The following COL19A1 variants were observed in gnomAD, a reference collection of about 807,000 sequenced individuals.
COL19A1 encodes the protein collagen type XIX alpha 1 chain, also known as collagen alpha-1(XIX) chain.
A neutral mutation model predicts 190.2 loss-of-function variants in COL19A1; 159 were observed. The ratio of observed to expected loss-of-function variants is 0.84; its 90% confidence interval spans 0.73 to 0.95. COL19A1 has a LOEUF of 0.95. Among genes scored for constraint, COL19A1 ranks in the 40% least tolerant of loss-of-function variants. The probability of loss-of-function intolerance (pLI) is 0.00; values close to 1 mark genes in which losing one functional copy is unlikely to be tolerated. For missense variants in COL19A1, 1,418 were observed against 1,431.9 expected (o/e 0.99, Z 0.16); for synonymous variants, 509 against 458.9 (o/e 1.11, Z -1.39).
chr6:70,055,395 TA>T (rs796348302), intron 14 of COL19A1, among the ~76,000 whole-genome samples: 6,863 of 143,396 alleles, frequency 0.048, 440 homozygotes, highest in African/African-American at 0.15. Context: ...CTTGTAATAG[TA>T]AAAAAAAAAA....
rs73746818 is a variant in COL19A1, at chr6:69,932,328, T to G, written c.667-455T>G. 8.4e-3 allele frequency among the ~76,000 whole-genome samples: 1,276 copies of G among 152,148 alleles called. 19 individuals are homozygous for G. Among genetic ancestry groups the G allele is most frequent in the African/African-American group, 0.029 (1,187 of 41,558 alleles). On this transcript the variant is annotated intron_variant, in intron 6 of 50. Coordinates refer to ENST00000620364, the MANE Select transcript of COL19A1 (RefSeq NM_001858.6). ...AAAATTTTTTTTCCTTGTTGGTAAG[T>G]GAACACCTATTTCAGTGCCTCAAAT...
intron 31 of COL19A1, among the ~76,000 whole-genome samples, chr6:70,152,525 T>A (rs895605578): frequency 6.6e-6 from 1 of 152,128 alleles, no homozygotes; most frequent in Non-Finnish European, 1.5e-5. Context: ...GAAGAATATT[T>A]GTGGGGATTT....
intron 17 of COL19A1, among the ~76,000 whole-genome samples, chr6:70,129,069 G>A (rs746667048): frequency 6.6e-6 from 1 of 152,192 alleles, no homozygotes; most frequent in Non-Finnish European, 1.5e-5. Context: ...TTTCTAAAGC[G>A]ATTGGTCTAG....
chr6:69,960,623 CTT>C (rs35552190), intron 10 of COL19A1, among the ~76,000 whole-genome samples: 19 of 109,862 alleles, frequency 1.7e-4, no homozygotes, highest in African/African-American at 4.3e-4. Context: ...TGTGCCCCCA[CTT>C]TTTTTTTTTT....
chr6:70,081,793 T>A (rs940137916), intron 15 of COL19A1, among the ~76,000 whole-genome samples: 59 of 152,320 alleles, frequency 3.9e-4, no homozygotes, highest in African/African-American at 1.3e-3. Flanking sequence ...TTTCTGCAAG[T>A]TAAGAAACCA....
chr6:70,124,755 A>G (rs1199036559), intron 17 of COL19A1, among the ~76,000 whole-genome samples: 1 of 152,222 alleles, frequency 6.6e-6, no homozygotes, highest in Non-Finnish European at 1.5e-5. Flanking sequence ...ATGACTGGAT[A>G]AACAGAAAGG....
chr6:70,207,476 T>G lies in COL19A1; in HGVS notation c.*202T>G, dbSNP rs1767965240. ...CATTTTTTGATTTTTCCCAAATTCA[T>G]TCCATATGTTTTGCTTTACAATTGC... On this transcript the variant is annotated 3_prime_UTR_variant, in exon 51 of 51. Transcript: ENST00000620364. 1 of 392,740 alleles carries G rather than the reference T, an allele frequency of 2.5e-6. No individual in the cohort carries two copies. Among genetic ancestry groups the G allele is most frequent in the African/African-American group, 2.1e-5 (1 of 48,324 alleles). The allele number at this position is 392,740 out of a possible 1,614,324, so 24.3% of individuals were successfully genotyped here. A position where few individuals can be genotyped will look rare whatever the true frequency, so the allele number is the denominator to read the frequency against.
chr6:69,921,744 A>G (rs1288818905), intron 4 of COL19A1, among the ~76,000 whole-genome samples: 1 of 127,132 alleles, frequency 7.9e-6, no homozygotes, highest in African/African-American at 3.4e-5. Context: ...GTAGATTCGT[A>G]TATGTATATT....
intron 2 of COL19A1, among the ~76,000 whole-genome samples, chr6:69,886,372 C>T (rs1768934567): frequency 6.6e-6 from 1 of 152,144 alleles, no homozygotes; most frequent in Non-Finnish European, 1.5e-5. Context: ...CTCTAGCACA[C>T]TGTTGGTGGG....
intron 11 of COL19A1, among the ~76,000 whole-genome samples, chr6:69,994,697 G>A (rs1336010132): frequency 1.3e-5 from 2 of 152,108 alleles, no homozygotes; most frequent in African/African-American, 4.8e-5. Context: ...TTCTGGATGT[G>A]GCACCAGTTC....
At chr6:69,981,079 CAAATTCTGTT>C (rs1331228525) in intron 11 of COL19A1, among the ~76,000 whole-genome samples, 1 of 152,152 alleles carries the variant, frequency 6.6e-6, no homozygotes, top group Non-Finnish European at 1.5e-5. Flanking sequence ...ACTCCTAACA[CAAATTCTGTT>C]AAATTCAAAC....
chr6:69,909,797 T>C (rs1770790549), intron 4 of COL19A1, among the ~76,000 whole-genome samples: 1 of 152,170 alleles, frequency 6.6e-6, no homozygotes, highest in South Asian at 2.1e-4. Context: ...GCTTAAGTTC[T>C]AATGAAAGTC....
intron 14 of COL19A1, among the ~76,000 whole-genome samples, chr6:70,065,270 A>G (rs1374731577): frequency 6.6e-6 from 1 of 152,158 alleles, no homozygotes; most frequent in African/African-American, 2.4e-5. Flanking sequence ...ATATAGACCA[A>G]CGGAACAGAA....
At chr6:70,042,190 T>C (rs1176964995) in intron 14 of COL19A1, among the ~76,000 whole-genome samples, 1 of 152,216 alleles carries the variant, frequency 6.6e-6, no homozygotes, top group Non-Finnish European at 1.5e-5. Flanking sequence ...TAGAGTGTGC[T>C]TGGGGTTAGG....
chr6:70,105,339 G>T (rs1287038334), intron 16 of COL19A1, among the ~76,000 whole-genome samples: 2 of 152,086 alleles, frequency 1.3e-5, no homozygotes, highest in Non-Finnish European at 2.9e-5. Flanking sequence ...TGTATTTTTA[G>T]TAGAGACAGG....
chr6:70,172,696 AAAAT>A (rs1765569852), intron 41 of COL19A1, among the ~76,000 whole-genome samples: 1 of 152,236 alleles, frequency 6.6e-6, no homozygotes, highest in Admixed American at 6.5e-5. Flanking sequence ...GATATGTTAG[AAAAT>A]AAATAAAAGA....
intron 9 of COL19A1, among the ~76,000 whole-genome samples, chr6:69,940,940 G>A (rs1773427855): frequency 6.6e-6 from 1 of 152,158 alleles, no homozygotes; most frequent in East Asian, 1.9e-4. Context: ...AATAAATAAA[G>A]AAGGCTTTCC....
chr6:70,148,412 T>C (rs900634843), intron 27 of COL19A1, among the ~76,000 whole-genome samples: 6 of 152,038 alleles, frequency 3.9e-5, no homozygotes, highest in African/African-American at 1.4e-4. Flanking sequence ...TGTTAAGGAA[T>C]TTACGAGGGT....
intron 49 of COL19A1, 86 bp downstream of exon 49, chr6:70,199,822 G>C: frequency 7.5e-7 from 1 of 1,326,022 alleles, no homozygotes; most frequent in South Asian, 1.5e-5. Flanking sequence ...AAAAAAGTAT[G>C]TATGTATGTC....
Sources: allele counts gnomAD v4.1 joint callset (sites outside exome capture counted in the v4.1 genomes callset), GRCh38; gene constraint gnomAD v4.1.1; transcripts MANE v1.5; gene names NCBI Gene and HGNC (gene_info 2026-07-23, HGNC 2026-07-21).